DAB1: variants seen among roughly 807,000 people sequenced by gnomAD.
DAB1 encodes DAB adaptor protein 1, also known as disabled homolog 1.
A neutral mutation model predicts 64.6 loss-of-function variants in DAB1; 15 were observed. The observed-to-expected ratio is 0.23, with a 90% confidence interval of 0.16 to 0.36. DAB1 has a LOEUF of 0.36. Among genes scored for constraint, DAB1 ranks in the 10% least tolerant of loss-of-function variants. The probability of loss-of-function intolerance (pLI) is 1.00; values close to 1 mark genes in which losing one functional copy is unlikely to be tolerated. For missense variants in DAB1, 596 were observed against 706.7 expected (o/e 0.84, Z 1.78); for synonymous variants, 235 against 251.9 (o/e 0.93, Z 0.64).
At chr1:57,225,588 C>T (rs1667204583) in intron 2 of DAB1, among the ~76,000 whole-genome samples, 1 of 152,158 alleles carries the variant, frequency 6.6e-6, no homozygotes, top group African/African-American at 2.4e-5. Context: ...TCAAGAAGCT[C>T]ACGGTGTACG....
chr1:57,711,573 C>T (rs1647030342), intron 6 of DAB1, among the ~76,000 whole-genome samples: 1 of 152,240 alleles, frequency 6.6e-6, no homozygotes, highest in Non-Finnish European at 1.5e-5. Flanking sequence ...TTAGCACTCT[C>T]ATCCACAGTT....
At chr1:58,536,655 A>G (rs372099782) in intron 1 of DAB1, 1 of 872,774 alleles carries the variant, frequency 1.1e-6, no homozygotes, top group African/African-American at 1.6e-5. Context: ...CAAACCAAGG[A>G]ATAGCTTCCA....
chr1:57,168,259 T>C (rs1420064920), intron 2 of DAB1, among the ~76,000 whole-genome samples: 1 of 152,176 alleles, frequency 6.6e-6, no homozygotes, highest in Non-Finnish European at 1.5e-5. Flanking sequence ...AAATGAAAAC[T>C]TCTGATCAAT....
At chr1:58,047,829 T>A (rs1647341526) in intron 5 of DAB1, 1 of 238,934 alleles carries the variant, frequency 4.2e-6, no homozygotes, top group South Asian at 5.6e-5. Flanking sequence ...GAAACATAAA[T>A]AACCTGAACT....
intron 7 of DAB1, among the ~76,000 whole-genome samples, chr1:57,450,594 C>A (rs1686314175): frequency 6.6e-6 from 1 of 152,198 alleles, no homozygotes; most frequent in South Asian, 2.1e-4. Flanking sequence ...ACAGGCTATA[C>A]AAATGTAAGG....
intron 4 of DAB1, among the ~76,000 whole-genome samples, chr1:58,305,260 T>G (rs1157429808): frequency 6.6e-6 from 1 of 152,172 alleles, no homozygotes; most frequent in Admixed American, 6.6e-5. Flanking sequence ...AACTGAAATG[T>G]CTGCTGAACA....
chr1:57,704,651 C>A (rs1316014423), intron 6 of DAB1, among the ~76,000 whole-genome samples: 1 of 152,114 alleles, frequency 6.6e-6, no homozygotes, highest in Non-Finnish European at 1.5e-5. Flanking sequence ...TATAAGGATG[C>A]ATTTGGTAGA....
In DAB1 at chr1:58,362,057, G is replaced by A. The variant is rs568493145; in HGVS notation, n.258-18654C>T. On this transcript the variant is annotated intron_variant and non_coding_transcript_variant, in intron 3 of 20. Coordinates refer to the DAB1 transcript ENST00000485760. ...TTTTTGTATTTTTAGTAGAGATGGC[G>A]TTTCACCATGTTGGCCAGGCTGGTC... Among the ~76,000 whole-genome samples, 22 of 151,910 alleles carry A rather than the reference G, an allele frequency of 1.4e-4. No individual in the cohort carries two copies. In the South Asian group the frequency reaches 3.3e-3, roughly 23 times the overall value.
chr1:57,283,854 G>A (rs1672106225), intron 2 of DAB1, among the ~76,000 whole-genome samples: 1 of 152,182 alleles, frequency 6.6e-6, no homozygotes, highest in Non-Finnish European at 1.5e-5. Flanking sequence ...AGTGACCACT[G>A]ACAAATCATT....
intron 7 of DAB1, among the ~76,000 whole-genome samples, chr1:57,454,157 G>A (rs984129533): frequency 6.6e-6 from 1 of 152,016 alleles, no homozygotes; most frequent in African/African-American, 2.4e-5. Flanking sequence ...TAGTGAATGC[G>A]GTTCCTGTTC....
chr1:58,468,527 C>G (rs2100325142), intron 3 of DAB1: 1 of 152,272 alleles, frequency 6.6e-6, no homozygotes. Context: ...CATTAGCATT[C>G]TTCAGGAAGT....
intron 6 of DAB1, among the ~76,000 whole-genome samples, chr1:57,662,217 CAG>C (rs1251668701): frequency 6.6e-6 from 1 of 152,028 alleles, no homozygotes; most frequent in Non-Finnish European, 1.5e-5. Context: ...GTTTTTGAGA[CAG>C]AGTTTAGCTC....
chr1:58,470,800 A>G (rs1388019693), intron 3 of DAB1, among the ~76,000 whole-genome samples: 1 of 152,018 alleles, frequency 6.6e-6, no homozygotes, highest in African/African-American at 2.4e-5. Context: ...TTGCTTGAGC[A>G]TCTCCTATGA....
At position 58,051,392 on chromosome 1, in the gene DAB1, G is replaced by A. The variant is rs1325188780; in HGVS notation, n.387+99119C>T. On this transcript the variant is annotated intron_variant and non_coding_transcript_variant, in intron 5 of 20. Coordinates refer to the DAB1 transcript ENST00000485760. ...AGGACATGAGCTCATCCTTTTTTAT[G>A]GCTGCATAGTATTCCATGGTGTATA... Among the ~76,000 whole-genome samples the A allele has an allele frequency of 3.3e-5, 5 of 152,162 alleles. No homozygotes were observed. In the East Asian group the frequency reaches 9.7e-4, roughly 29 times the overall value.
At chr1:57,379,787 C>A (rs1681209450) in intron 1 of DAB1, among the ~76,000 whole-genome samples, 1 of 152,178 alleles carries the variant, frequency 6.6e-6, no homozygotes, top group South Asian at 2.1e-4. Flanking sequence ...CCTCTCTCAG[C>A]ATTTTGCAAA....
intron 6 of DAB1, among the ~76,000 whole-genome samples, chr1:57,772,583 T>G (rs928067256): frequency 1.4e-5 from 2 of 148,012 alleles, no homozygotes; most frequent in African/African-American, 5.3e-5. Flanking sequence ...TATGTTTAAC[T>G]TTATAAGAAA....
intron 1 of DAB1, among the ~76,000 whole-genome samples, chr1:58,538,157 T>C (rs927886599): frequency 8.5e-5 from 13 of 152,198 alleles, no homozygotes; most frequent in Non-Finnish European, 1.8e-4. Flanking sequence ...GAAAGCTTTA[T>C]GAAGAAACAG....
chr1:57,071,144 C>T, intron 6 of DAB1, 83 bp from the exon 7 acceptor site: 5 of 1,338,654 alleles, frequency 3.7e-6, no homozygotes, highest in Non-Finnish European at 4.2e-6. Flanking sequence ...AATTACAGGA[C>T]AGTAAAGAAA....
chr1:57,310,041 C>A (rs532272198), intron 1 of DAB1, among the ~76,000 whole-genome samples: 1 of 152,350 alleles, frequency 6.6e-6, no homozygotes, highest in East Asian at 1.9e-4. Context: ...GTATAATTTA[C>A]AGACTGCCAG....
Sources: allele counts gnomAD v4.1 joint callset (sites outside exome capture counted in the v4.1 genomes callset), GRCh38; gene constraint gnomAD v4.1.1; transcripts MANE v1.5; gene names NCBI Gene and HGNC (gene_info 2026-07-23, HGNC 2026-07-21).